Variants in MYO16 observed in about 807,000 individuals in gnomAD.
MYO16 encodes myosin XVI, also known as unconventional myosin-XVI.
A neutral mutation model predicts 205.3 loss-of-function variants in MYO16; 94 were observed. That is an observed-to-expected ratio of 0.46 (90% CI 0.39 to 0.54). The LOEUF (loss-of-function observed/expected upper bound fraction) is 0.54. Ranked by LOEUF, MYO16 falls within the 20% of genes least tolerant of loss-of-function variation. The pLI is 0.00. For missense variants in MYO16, 2,315 were observed against 2,387.5 expected (o/e 0.97, Z 0.63); for synonymous variants, 988 against 954.0 (o/e 1.04, Z -0.66).
chr13:109,091,902 T>A (rs953465424), intron 27 of MYO16, among the ~76,000 whole-genome samples: 1 of 152,242 alleles, frequency 6.6e-6, no homozygotes, highest in African/African-American at 2.4e-5. Context: ...GTATAATATC[T>A]TGAAATAAGA....
At chr13:108,527,759 T>C in the MYO16 span, among the ~76,000 whole-genome samples, 1 of 152,250 alleles carries the variant, frequency 6.6e-6, no homozygotes, top group Non-Finnish European at 1.5e-5. Context: ...TAAGGATTAT[T>C]AATGTAGGAA....
the MYO16 span, among the ~76,000 whole-genome samples, chr13:108,522,036 A>G: frequency 6.6e-6 from 1 of 152,346 alleles, no homozygotes; most frequent in East Asian, 1.9e-4. Flanking sequence ...TTCCCAATAA[A>G]TAGTTATTAA....
chr13:108,680,133 GATGTCACAGAGTGTATCAGGGCATTGA>G (rs547323188), intron 2 of MYO16, among the ~76,000 whole-genome samples: 1 of 152,292 alleles, frequency 6.6e-6, no homozygotes, highest in East Asian at 1.9e-4. Flanking sequence ...AATCCCAGCA[GATGTCACAGAGTGTATCAGGGCATTGA>G]ATATTTGCTT....
chr13:108,725,417 T>C (rs61969547), intron 3 of MYO16, among the ~76,000 whole-genome samples: 37,173 of 151,868 alleles, frequency 0.24, 5,571 homozygotes, highest in African/African-American at 0.44. Context: ...CCTGAACTCT[T>C]TGGGGGCTAC....
intron 10 of MYO16, among the ~76,000 whole-genome samples, chr13:108,849,083 T>A: frequency 6.6e-6 from 1 of 152,214 alleles, no homozygotes; most frequent in East Asian, 1.9e-4. Context: ...AGGCATGGCA[T>A]GGGTGGAAGC....
At chr13:108,779,016 C>T (rs940585061) in intron 4 of MYO16, among the ~76,000 whole-genome samples, 3 of 152,178 alleles carry the variant, frequency 2.0e-5, no homozygotes, top group Admixed American at 6.5e-5. Context: ...CCATAATGGC[C>T]GAGTGCCAGA....
intron 33 of MYO16, among the ~76,000 whole-genome samples, chr13:109,168,823 A>G (rs1211677609): frequency 6.6e-6 from 1 of 152,252 alleles, no homozygotes; most frequent in Non-Finnish European, 1.5e-5. Flanking sequence ...ATGACAATGC[A>G]AATATGACAA....
intron 4 of MYO16, among the ~76,000 whole-genome samples, chr13:108,734,017 T>C (rs1884610185): frequency 6.6e-6 from 1 of 152,228 alleles, no homozygotes; most frequent in African/African-American, 2.4e-5. Context: ...TTTAAGGTAG[T>C]GTGTTCTATA....
chr13:108,632,167 T>C (rs1482272727), intron 1 of MYO16, among the ~76,000 whole-genome samples: 2 of 151,952 alleles, frequency 1.3e-5, no homozygotes, highest in Non-Finnish European at 2.9e-5. Context: ...TTAATGGTTG[T>C]TCCTGATGCG....
At chr13:108,729,293 G>A (rs1566575291) in intron 4 of MYO16, among the ~76,000 whole-genome samples, 1 of 151,974 alleles carries the variant, frequency 6.6e-6, no homozygotes, top group Non-Finnish European at 1.5e-5. Context: ...GAACCAAATC[G>A]CCTTTCGAGT....
At chr13:108,640,891 A>C (rs1880476619) in intron 1 of MYO16, among the ~76,000 whole-genome samples, 1 of 152,222 alleles carries the variant, frequency 6.6e-6, no homozygotes, top group East Asian at 1.9e-4. Context: ...AACACACAAC[A>C]TCATGGTTTA....
intron 21 of MYO16, among the ~76,000 whole-genome samples, chr13:109,005,748 C>T (rs1221953663): frequency 2.0e-5 from 3 of 152,110 alleles, no homozygotes; most frequent in Non-Finnish European, 2.9e-5. Flanking sequence ...TAGAACTTTA[C>T]AGCAAGTCCA....
At chr13:109,040,357 A>AGC (rs1478752336) in intron 23 of MYO16, among the ~76,000 whole-genome samples, 11 of 108,810 alleles carry the variant, frequency 1.0e-4, no homozygotes, top group African/African-American at 3.3e-4. Flanking sequence ...CACAGACAGT[A>AGC]GCATACACAC....
intron 20 of MYO16, among the ~76,000 whole-genome samples, chr13:108,973,978 C>T (rs1884156115): frequency 6.6e-6 from 1 of 151,546 alleles, no homozygotes; most frequent in Non-Finnish European, 1.5e-5. Flanking sequence ...TTTGGATAAT[C>T]CATGTTTGGT....
intron 2 of MYO16, among the ~76,000 whole-genome samples, chr13:108,674,581 A>C (rs1882123572): frequency 6.6e-6 from 1 of 152,184 alleles, no homozygotes; most frequent in South Asian, 2.1e-4. Flanking sequence ...CTATAAGCGG[A>C]TTTAAGCTGA....
intron 21 of MYO16, among the ~76,000 whole-genome samples, chr13:109,000,526 T>C (rs1885179032): frequency 6.6e-6 from 1 of 152,210 alleles, no homozygotes; most frequent in Admixed American, 6.5e-5. Context: ...TTGGTAGAAA[T>C]TATACATTAA....
chr13:109,118,311 T>A (rs1468230030), intron 28 of MYO16, among the ~76,000 whole-genome samples: 1 of 152,170 alleles, frequency 6.6e-6, no homozygotes, highest in Non-Finnish European at 1.5e-5. Flanking sequence ...TATCCCCAGA[T>A]CTAGCACAAT....
rs1036686326 is a variant in MYO16, at chr13:109,141,524, A to C, written c.5164+148A>C. On this transcript the variant is annotated intron_variant, in intron 32 of 34. Transcript: ENST00000457511. This position sits in a 1 kb window ranked among gnomAD's most constrained non-coding sequence, Gnocchi z 4.1. ...AGAGCAGATATCAGCTTTAAAAAAA[A>C]ATCGTATACACCCACTGTGACCAAA... 27 of 505,748 alleles carry C rather than the reference A, an allele frequency of 5.3e-5. No homozygotes were observed. The highest frequency in any genetic ancestry group is 3.8e-4 in the African/African-American group (19 of 50,052). 31.3% of individuals were successfully genotyped at this position (505,748 alleles called of 1,614,324 possible). A position where few individuals can be genotyped will look rare whatever the true frequency, so the allele number is the denominator to read the frequency against.
the MYO16 span, among the ~76,000 whole-genome samples, chr13:108,533,800 A>G: frequency 6.6e-6 from 1 of 152,242 alleles, no homozygotes; most frequent in African/African-American, 2.4e-5. Flanking sequence ...ATGAATTAAA[A>G]TGGCCTTGAA....
Sources: allele counts gnomAD v4.1 joint callset (sites outside exome capture counted in the v4.1 genomes callset), GRCh38; gene constraint gnomAD v4.1.1; non-coding constraint Gnocchi (gnomAD v3.1); transcripts MANE v1.5; gene names NCBI Gene and HGNC (gene_info 2026-07-23, HGNC 2026-07-21).